UIMC1: variants seen among roughly 807,000 people sequenced by gnomAD.
The protein encoded by UIMC1 is ubiquitin interaction motif containing 1.
A neutral mutation model predicts 84.9 loss-of-function variants in UIMC1; 42 were observed. The ratio of observed to expected loss-of-function variants is 0.49; its 90% confidence interval spans 0.39 to 0.64. The LOEUF (loss-of-function observed/expected upper bound fraction) is 0.64, where lower values mean the gene tolerates loss of function less well. Ranked by LOEUF, UIMC1 falls within the 30% of genes least tolerant of loss-of-function variation. UIMC1 has a pLI of 0.00. For missense variants in UIMC1, 825 were observed against 847.6 expected (o/e 0.97, Z 0.33); for synonymous variants, 281 against 293.0 (o/e 0.96, Z 0.42).
upstream of UIMC1, among the ~76,000 whole-genome samples, chr5:177,009,641 A>C (rs765170182): frequency 1.6e-4 from 25 of 152,130 alleles, no homozygotes; most frequent in Non-Finnish European, 3.2e-4. The surrounding 1 kb of genome is among the most constrained non-coding windows in gnomAD (Gnocchi z 4.3). Context: ...AACTAAATAA[A>C]ATAAATGAAA....
intron 2 of UIMC1, among the ~76,000 whole-genome samples, chr5:176,981,144 G>GTTTTT (rs769202785): frequency 2.3e-5 from 3 of 132,280 alleles, no homozygotes; most frequent in African/African-American, 2.8e-5. Context: ...TGTTTTGTTG[G>GTTTTT]TTTTTTTTTT....
At chr5:176,928,113 GGATTA>G (rs1420935372) in intron 10 of UIMC1, among the ~76,000 whole-genome samples, 1 of 152,074 alleles carries the variant, frequency 6.6e-6, no homozygotes, top group Non-Finnish European at 1.5e-5. Context: ...AAAAGTGCTA[GGATTA>G]TAGGCTTGAG....
chr5:177,007,088 C>T (rs1386077096), upstream of UIMC1, among the ~76,000 whole-genome samples: 1 of 152,120 alleles, frequency 6.6e-6, no homozygotes, highest in Non-Finnish European at 1.5e-5. Flanking sequence ...CGCCTGTAAT[C>T]CCAGCGCTTT....
At chr5:176,934,803 A>AG (rs1478194414) in intron 10 of UIMC1, among the ~76,000 whole-genome samples, 3 of 152,324 alleles carry the variant, frequency 2.0e-5, no homozygotes, top group Admixed American at 1.3e-4. Context: ...CTATGGTCTG[A>AG]GGGAAAAAAA....
intron 10 of UIMC1, among the ~76,000 whole-genome samples, chr5:176,930,936 A>G (rs1470156769): frequency 3.9e-5 from 6 of 152,238 alleles, no homozygotes; most frequent in African/African-American, 1.4e-4. Context: ...ACTCAGAGGT[A>G]AAAGACTATA....
chr5:176,994,022 A>G (rs959275271), intron 1 of UIMC1, among the ~76,000 whole-genome samples: 11 of 151,922 alleles, frequency 7.2e-5, no homozygotes, highest in African/African-American at 2.4e-4. Flanking sequence ...AAAAAAAAAA[A>G]AGAAGAAAGT....
At chr5:176,996,160 CATT>C (rs1254022049) in intron 1 of UIMC1, among the ~76,000 whole-genome samples, 2 of 152,122 alleles carry the variant, frequency 1.3e-5, no homozygotes, top group Admixed American at 6.5e-5. Context: ...ATCTCAAAGA[CATT>C]ATGGTGAGCA....
At chr5:176,917,326 C>T (rs1480117608) in intron 10 of UIMC1, among the ~76,000 whole-genome samples, 1 of 152,162 alleles carries the variant, frequency 6.6e-6, no homozygotes, top group Non-Finnish European at 1.5e-5. Context: ...AATCCCAGCA[C>T]TTTGGGAGGC....
At chr5:177,008,104 CAAA>C (rs751754930), upstream of UIMC1, among the ~76,000 whole-genome samples, 2 of 91,280 alleles carry the variant, frequency 2.2e-5, no homozygotes, top group Non-Finnish European at 2.4e-5. Flanking sequence ...GACTCTGTCT[CAAA>C]AAAAAAAAAA....
At position 176,911,431 on chromosome 5, in the gene UIMC1, G is replaced by C. The variant is rs1316464198; in HGVS notation, c.1598-42C>G. On this transcript the variant is annotated intron_variant, in intron 10 of 14. Transcript: ENST00000511320. ...TATATATATATACACATAGTTAGCTGCCAGTAGACTCTGAATATAAAAGAC... is the reference window on the plus strand; with the variant it reads ...TATATATATATACACATAGTTAGCTCCCAGTAGACTCTGAATATAAAAGAC... 9 of 1,338,406 alleles carry C rather than the reference G, an allele frequency of 6.7e-6. No homozygotes were observed. In the African/African-American group the frequency reaches 1.4e-4, roughly 20 times the overall value. 82.9% of individuals were successfully genotyped at this position (1,338,406 alleles called of 1,614,324 possible).
At chr5:177,019,862 G>A (rs1775750270) in intron 1 of UIMC1, among the ~76,000 whole-genome samples, 1 of 152,000 alleles carries the variant, frequency 6.6e-6, no homozygotes, top group Non-Finnish European at 1.5e-5. Context: ...AACCCAGGAG[G>A]TGGAGGTTGC....
At chr5:176,981,488 A>C (rs1771046353) in intron 2 of UIMC1, among the ~76,000 whole-genome samples, 1 of 152,106 alleles carries the variant, frequency 6.6e-6, no homozygotes, top group Non-Finnish European at 1.5e-5. Context: ...AGAAATGCTC[A>C]ATCTTGCTAA....
At chr5:176,943,267 G>T in intron 10 of UIMC1, 68 bp downstream of exon 10, 3 of 1,533,802 alleles carry the variant, frequency 2.0e-6, no homozygotes, top group Non-Finnish European at 8.8e-7. Context: ...TCCCTGCATT[G>T]TAATGTATAG....
At chr5:176,933,722 G>A (rs1581434372) in intron 10 of UIMC1, among the ~76,000 whole-genome samples, 1 of 151,898 alleles carries the variant, frequency 6.6e-6, no homozygotes, top group East Asian at 1.9e-4. Context: ...TTTTTGCAGA[G>A]ATAGTGTCTT....
At chr5:176,917,530 C>T (rs780819159) in intron 10 of UIMC1, among the ~76,000 whole-genome samples, 15 of 152,194 alleles carry the variant, frequency 9.9e-5, no homozygotes, top group Non-Finnish European at 1.9e-4. Context: ...CAAGATTACA[C>T]CACTGCACTC....
At chr5:176,907,066 T>C in intron 13 of UIMC1, 48 bp downstream of exon 13, 4 of 1,592,538 alleles carry the variant, frequency 2.5e-6, no homozygotes, top group Non-Finnish European at 3.4e-6. Context: ...CTATCTTCAC[T>C]GAAAGGCCTT....
chr5:176,927,996 C>T (rs992258462), intron 10 of UIMC1, among the ~76,000 whole-genome samples: 1 of 151,952 alleles, frequency 6.6e-6, no homozygotes, highest in African/African-American at 2.4e-5. Flanking sequence ...GGATTACAGG[C>T]AGGCGCCACC....
chr5:176,933,034 C>G (rs1463868072), intron 10 of UIMC1, among the ~76,000 whole-genome samples: 1 of 152,106 alleles, frequency 6.6e-6, no homozygotes, highest in Non-Finnish European at 1.5e-5. Context: ...AGGATCAGCA[C>G]TGCTTCTACT....
chr5:176,995,595 G>C (rs1227825665), intron 1 of UIMC1, among the ~76,000 whole-genome samples: 3 of 142,648 alleles, frequency 2.1e-5, no homozygotes, highest in African/African-American at 8.0e-5. Flanking sequence ...TGTAATCCTA[G>C]CACTTTGGGA....
Sources: gnomAD v4.1 joint callset for allele counts (sites outside exome capture counted in the v4.1 genomes callset) on GRCh38, gnomAD v4.1.1 for gene constraint, Gnocchi (gnomAD v3.1) non-coding constraint, MANE v1.5 for transcripts, NCBI Gene and HGNC (gene_info 2026-07-23, HGNC 2026-07-21) for gene names.